The following DGKD variants were observed in gnomAD, a reference collection of about 807,000 sequenced individuals.
DGKD encodes the protein diacylglycerol kinase delta, also known as DAG kinase delta.
Under a neutral mutation model 154.4 loss-of-function variants are expected in DGKD, and 68 were observed. The observed-to-expected ratio is 0.44, with a 90% CI of 0.36 to 0.54. The LOEUF is 0.54. DGKD is among the 20% of genes least tolerant of loss of function. The pLI, the probability that DGKD is intolerant of heterozygous loss-of-function variation, is 0.00. For synonymous variants in DGKD, 693 were observed against 638.0 expected (o/e 1.09, Z -1.30); for missense variants, 1,343 against 1,593.6 (o/e 0.84, Z 2.68).
At position 233,443,429 on chromosome 2, in the gene DGKD, G is replaced by A. The variant is rs184704713; in HGVS notation, c.1194+1434G>A. 8.6e-5 allele frequency among the ~76,000 whole-genome samples: 13 copies of A among 151,600 alleles called. No individual in the cohort carries two copies. In the East Asian group the frequency reaches 1.4e-3, roughly 16 times the overall value. On this transcript the variant is annotated intron_variant, in intron 10 of 29. Transcript: ENST00000264057. ...CTGTCACTGCAGATATTTTTTTCCCGGTTTGTCGTTTGTCAGTTCAACATC... is the reference window on the plus strand; with the variant it reads ...CTGTCACTGCAGATATTTTTTTCCCAGTTTGTCGTTTGTCAGTTCAACATC...
intron 1 of DGKD, among the ~76,000 whole-genome samples, chr2:233,387,136 C>T (rs1703232940): frequency 6.6e-6 from 1 of 152,208 alleles, no homozygotes; most frequent in African/African-American, 2.4e-5. Flanking sequence ...CATGAGCCTC[C>T]TGTGTCTTGC....
Position 233,425,920 on chromosome 2 carries a change from T to C in DGKD, c.349-8460T>C, listed in dbSNP as rs928240571. Among the ~76,000 whole-genome samples, 7 of 152,362 alleles carry C rather than the reference T, an allele frequency of 4.6e-5. No homozygotes were observed. In the East Asian group the frequency reaches 1.3e-3, roughly 29 times the overall value. The stretch of plus-strand genomic sequence containing the variant: ...AGGAGAGGATAAATTTATAGAAGCA[T>C]GGTTGTTGAGACACAGGTGTATATT... On this transcript the variant is annotated intron_variant, in intron 3 of 29. Coordinates refer to ENST00000264057, the MANE Select transcript of DGKD (RefSeq NM_152879.3).
chr2:233,355,518 G>A (rs964008244), intron 1 of DGKD, among the ~76,000 whole-genome samples: 18 of 152,188 alleles, frequency 1.2e-4, no homozygotes, highest in Admixed American at 2.6e-4. Context: ...CGGTTGGCAC[G>A]GACTTTCTCC....
intron 1 of DGKD, among the ~76,000 whole-genome samples, chr2:233,383,433 T>G (rs1703004450): frequency 6.6e-6 from 1 of 152,222 alleles, no homozygotes; most frequent in Non-Finnish European, 1.5e-5. Context: ...GGCTTTTCTT[T>G]TATCTCTTTC....
intron 27 of DGKD, among the ~76,000 whole-genome samples, chr2:233,465,919 G>A (rs537541679): frequency 2.6e-5 from 4 of 151,530 alleles, no homozygotes; most frequent in Non-Finnish European, 5.9e-5. Flanking sequence ...AAAATCCAAA[G>A]TAACAATATA....
Position 233,467,090 on chromosome 2 carries a change from T to C in DGKD, c.3311T>C (p.Val1104Ala), listed in dbSNP as rs374590708. Residue 1104 changes from valine to alanine, a missense_variant, in exon 28 of 30, where the codon GTG (valine) becomes GCG (alanine). Transcript: ENST00000264057. ...ATTCCTCATTCTCCCCAACAGAGTG[T>C]GATGCTGGATCTTGCCAAGCGCAGT... ...QSAEPGDEESVMLDLAKRSRS... is the reference protein window; with the variant it reads ...QSAEPGDEESAMLDLAKRSRS... The C allele has an allele frequency of 1.2e-6, 2 of 1,612,844 alleles. No homozygotes were observed. Among genetic ancestry groups the C allele is most frequent in the African/African-American group, 1.3e-5 (1 of 75,034 alleles).
chr2:233,437,548 C>A, intron 8 of DGKD, 69 bp downstream of exon 8: 2 of 1,457,410 alleles, frequency 1.4e-6, no homozygotes, highest in East Asian at 2.3e-5. Context: ...ACTTTCTCTT[C>A]TCCAGCTCTG....
chr2:233,394,111 A>G (rs1703835575), intron 3 of DGKD, among the ~76,000 whole-genome samples: 1 of 152,242 alleles, frequency 6.6e-6, no homozygotes, highest in Non-Finnish European at 1.5e-5. Context: ...TACGTTTAAC[A>G]CTTTGTTCAT....
At chr2:233,432,607 G>C (rs554136241) in intron 3 of DGKD, among the ~76,000 whole-genome samples, 2 of 152,154 alleles carry the variant, frequency 1.3e-5, no homozygotes, top group African/African-American at 4.8e-5. Flanking sequence ...TGCAGTGAGC[G>C]GAGATTGCGC....
Position 233,457,147 on chromosome 2 carries a change from T to C in DGKD, c.2473-74T>C. 7.3e-7 allele frequency: 1 copy of C among 1,362,418 alleles called. No individual in the cohort carries two copies. The highest frequency in any genetic ancestry group is 1.9e-4 in the Middle Eastern group (1 of 5,336). The allele number at this position is 1,362,418 out of a possible 1,614,324, so 84.4% of individuals were successfully genotyped here. On this transcript the variant is annotated intron_variant, in intron 20 of 29. Transcript: ENST00000264057. The surrounding 1 kb of genome is among the most constrained non-coding windows in gnomAD (Gnocchi z 5.5). ...GGCTGTGCTCCTGAGCCCCTGGCGG[T>C]GGGAAGCTGGTAGAGAAGGAGGGGC...
chr2:233,449,441 T>C lies in DGKD; in HGVS notation c.1888+65T>C. ...AGCACTGGGCATGCCCAGCGTCCCC[T>C]GAACACGGAGATGACAGAAGGGTGC... is the stretch of plus-strand genomic sequence containing the variant. On this transcript the variant is annotated intron_variant, in intron 15 of 29. Transcript: ENST00000264057. This position sits in a 1 kb window ranked among gnomAD's most constrained non-coding sequence, Gnocchi z 5.3. The C allele has an allele frequency of 2.6e-6, 4 of 1,523,016 alleles. No individual in the cohort carries two copies. Among genetic ancestry groups the C allele is most frequent in the Non-Finnish European group, 3.5e-6 (4 of 1,129,792 alleles). The allele number at this position is 1,523,016 out of a possible 1,614,324, so 94.3% of individuals were successfully genotyped here.
In DGKD at chr2:233,464,086, G is replaced by C. The variant is rs1486350317; in HGVS notation, c.3187-78G>C. On this transcript the variant is annotated intron_variant, in intron 26 of 29. Transcript: ENST00000264057. ...CAGAGCAGAGCAGAGCCCTGGAGCG[G>C]ACCTCACCCCCCTGGGCCTCGCGCT... The C allele has an allele frequency of 1.9e-6, 3 of 1,587,238 alleles. No individual in the cohort carries two copies. The African/African-American group carries it at 4.0e-5, about 21-fold the overall frequency.
At chr2:233,392,884 A>G (rs554443694) in intron 3 of DGKD, among the ~76,000 whole-genome samples, 1 of 151,984 alleles carries the variant, frequency 6.6e-6, no homozygotes, top group Non-Finnish European at 1.5e-5. Context: ...CTCTGGTTGA[A>G]TCTCCTTTGC....
At chr2:233,465,938 A>G (rs2063810326) in intron 27 of DGKD, among the ~76,000 whole-genome samples, 1 of 152,194 alleles carries the variant, frequency 6.6e-6, no homozygotes, top group African/African-American at 2.4e-5. Context: ...TAAAAATAAA[A>G]TTGCATATGT....
rs2063204308 is a variant in DGKD at position 233,449,663 on chromosome 2, C to G, written c.1888+287C>G. Among the ~76,000 whole-genome samples the G allele has an allele frequency of 6.6e-6, 1 of 152,154 alleles. No homozygotes were observed. Among genetic ancestry groups the G allele is most frequent in the African/African-American group, 2.4e-5 (1 of 41,442 alleles). ...CCCGTGAGAGCCTTGAGGTCACGGC[C>G]TCACACCCGCACACCTGCGTGTCCA... On this transcript the variant is annotated intron_variant, in intron 15 of 29. Coordinates refer to ENST00000264057, the MANE Select transcript of DGKD (RefSeq NM_152879.3). The surrounding 1 kb of genome is among the most constrained non-coding windows in gnomAD (Gnocchi z 5.3).
chr2:233,453,001 G>A (rs1367178978), intron 18 of DGKD, among the ~76,000 whole-genome samples: 23 of 152,194 alleles, frequency 1.5e-4, no homozygotes, highest in African/African-American at 7.2e-5. Context: ...CTGGGGCTGC[G>A]TGGGGCTCCA....
chr2:233,385,580 G>C (rs763893540), intron 1 of DGKD, among the ~76,000 whole-genome samples: 3 of 152,184 alleles, frequency 2.0e-5, no homozygotes, highest in African/African-American at 7.2e-5. Flanking sequence ...TGGCCCGAGC[G>C]AACTGTGCAG....
chr2:233,435,068 G>A (rs774531099), intron 5 of DGKD, among the ~76,000 whole-genome samples, 167 bp downstream of exon 5: 6 of 152,194 alleles, frequency 3.9e-5, no homozygotes, highest in Non-Finnish European at 8.8e-5. Flanking sequence ...TTTACCTGCC[G>A]AAGAGTCCTT....
chr2:233,385,416 C>G (rs903763508), intron 1 of DGKD, among the ~76,000 whole-genome samples: 2 of 152,104 alleles, frequency 1.3e-5, no homozygotes, highest in African/African-American at 4.8e-5. Context: ...CTGCTGCTCT[C>G]TGACTGGAGC....
Sources: gnomAD v4.1 joint callset for allele counts (sites outside exome capture counted in the v4.1 genomes callset) on GRCh38, gnomAD v4.1.1 for gene constraint, Gnocchi (gnomAD v3.1) non-coding constraint, MANE v1.5 for transcripts, NCBI Gene and HGNC (gene_info 2026-07-23, HGNC 2026-07-21) for gene names.